The following STARD13 variants were observed in gnomAD, a reference collection of about 807,000 sequenced individuals.
STARD13 encodes StAR related lipid transfer domain containing 13, also known as stAR-related lipid transfer protein 13.
Under a neutral mutation model 106.4 loss-of-function variants are expected in STARD13, and 62 were observed. The ratio of observed to expected loss-of-function variants is 0.58; its 90% CI spans 0.48 to 0.72. The LOEUF is 0.72. Among genes scored for constraint, STARD13 ranks in the 30% least tolerant of loss-of-function variants. The pLI, the probability that STARD13 is intolerant of heterozygous loss-of-function variation, is 0.00. For synonymous variants in STARD13, 565 were observed against 553.0 expected, an observed-to-expected ratio of 1.02 and a Z score of -0.31; for missense variants, 1,387 against 1,424.0, an observed-to-expected ratio of 0.97 and a Z score of 0.42.
chr13:33,311,864 A>G (rs1047179418), intron 1 of STARD13, among the ~76,000 whole-genome samples: 1 of 152,210 alleles, frequency 6.6e-6, no homozygotes, highest in Non-Finnish European at 1.5e-5. Context: ...CTTGGTAGGC[A>G]AGAGATGCTT....
chr13:33,345,338 C>CT (rs2078006502), downstream of STARD13, among the ~76,000 whole-genome samples: 1 of 152,106 alleles, frequency 6.6e-6, no homozygotes, highest in South Asian at 2.1e-4. Context: ...TTTTCCAGTT[C>CT]TTTTTGTTGT....
At chr13:33,121,084 C>T (rs1876215313) in intron 7 of STARD13, among the ~76,000 whole-genome samples, 1 of 152,112 alleles carries the variant, frequency 6.6e-6, no homozygotes. Flanking sequence ...CCATGAATTT[C>T]CTGTCATTTA....
chr13:33,143,223 C>T (rs762452986), intron 3 of STARD13, among the ~76,000 whole-genome samples: 33 of 152,210 alleles, frequency 2.2e-4, no homozygotes, highest in Non-Finnish European at 3.2e-4. Context: ...TTTTGATTTT[C>T]ACCCTCAGCT....
the STARD13 span, among the ~76,000 whole-genome samples, chr13:33,639,060 T>A: frequency 6.6e-6 from 1 of 152,024 alleles, no homozygotes; most frequent in Non-Finnish European, 1.5e-5. Flanking sequence ...AAAGTGAAAA[T>A]TTTCTGCTCT....
At chr13:33,108,799 C>A (rs1004317651) in intron 12 of STARD13, among the ~76,000 whole-genome samples, 1 of 152,242 alleles carries the variant, frequency 6.6e-6, no homozygotes, top group Non-Finnish European at 1.5e-5. Flanking sequence ...AGCCATCCTG[C>A]AACAGCTATT....
chr13:33,542,781 C>T, the STARD13 span, among the ~76,000 whole-genome samples: 4 of 152,222 alleles, frequency 2.6e-5, no homozygotes, highest in African/African-American at 9.6e-5. Flanking sequence ...GGTGACGCCT[C>T]TTCCCGTCTC....
chr13:33,380,062 A>C, the STARD13 span, among the ~76,000 whole-genome samples: 788 of 152,246 alleles, frequency 5.2e-3, 10 homozygotes, highest in African/African-American at 0.018. Flanking sequence ...TATCAGACAG[A>C]TGTTTTATAG....
At chr13:33,291,018 A>C (rs191268006) in intron 1 of STARD13, among the ~76,000 whole-genome samples, 9 of 152,312 alleles carry the variant, frequency 5.9e-5, no homozygotes, top group Non-Finnish European at 1.2e-4. Flanking sequence ...GTTCATATGG[A>C]ATCTGTTTGT....
intron 1 of STARD13, among the ~76,000 whole-genome samples, chr13:33,338,222 A>G (rs2077918593): frequency 6.6e-6 from 1 of 152,240 alleles, no homozygotes; most frequent in African/African-American, 2.4e-5. Flanking sequence ...AGACCAACCC[A>G]TGAAATCCAG....
At chr13:33,245,821 T>G (rs114031799) in intron 1 of STARD13, among the ~76,000 whole-genome samples, 282 of 152,362 alleles carry the variant, frequency 1.9e-3, no homozygotes, top group African/African-American at 6.6e-3. Flanking sequence ...CATTTTTGTT[T>G]CTAAAATAGA....
At chr13:33,333,001 T>C (rs1275353765) in intron 1 of STARD13, among the ~76,000 whole-genome samples, 1 of 152,124 alleles carries the variant, frequency 6.6e-6, no homozygotes, top group Non-Finnish European at 1.5e-5. Context: ...ATTTTTTTCT[T>C]AAACTCTATA....
chr13:33,457,786 T>A, the STARD13 span, among the ~76,000 whole-genome samples: 1 of 152,216 alleles, frequency 6.6e-6, no homozygotes, highest in Non-Finnish European at 1.5e-5. Flanking sequence ...CATAAGGGTT[T>A]CATTCTCATG....
intron 7 of STARD13, among the ~76,000 whole-genome samples, chr13:33,121,482 C>A (rs1178147030): frequency 2.0e-5 from 3 of 151,298 alleles, no homozygotes; most frequent in Non-Finnish European, 4.4e-5. Flanking sequence ...GTGGGAGAAT[C>A]TCTTGAACCT....
At chr13:33,274,854 A>G (rs1891340726) in intron 1 of STARD13, among the ~76,000 whole-genome samples, 1 of 152,072 alleles carries the variant, frequency 6.6e-6, no homozygotes, top group Non-Finnish European at 1.5e-5. Flanking sequence ...CCAGTTAATG[A>G]TGTTTGCCTC....
intron 1 of STARD13, among the ~76,000 whole-genome samples, chr13:33,304,445 C>A (rs927314877): frequency 6.6e-6 from 1 of 152,064 alleles, no homozygotes; most frequent in African/African-American, 2.4e-5. Context: ...CCCTTCACTT[C>A]TAAATCTTGA....
At chr13:33,192,919 T>C (rs1233341092) in intron 1 of STARD13, among the ~76,000 whole-genome samples, 2 of 152,046 alleles carry the variant, frequency 1.3e-5, no homozygotes, top group Non-Finnish European at 2.9e-5. Context: ...GGTATTACCA[T>C]TCCCATCTTA....
the STARD13 span, among the ~76,000 whole-genome samples, chr13:33,463,890 T>C: frequency 2.0e-5 from 3 of 151,848 alleles, no homozygotes; most frequent in African/African-American, 7.3e-5. Context: ...CGGGTACATG[T>C]AATCCCAGCT....
the STARD13 span, among the ~76,000 whole-genome samples, chr13:33,672,336 A>T: frequency 1.7e-3 from 254 of 152,244 alleles, 2 homozygotes; most frequent in Non-Finnish European, 2.2e-3. Context: ...GGACACAGGG[A>T]AGGGAACATC....
the STARD13 span, among the ~76,000 whole-genome samples, chr13:33,621,338 ATT>A: frequency 4.6e-5 from 7 of 152,190 alleles, no homozygotes; most frequent in East Asian, 9.7e-4. Context: ...AATAGATAAA[ATT>A]AACAAACTCT....
Sources: gnomAD v4.1 joint callset for allele counts (sites outside exome capture counted in the v4.1 genomes callset) on GRCh38, gnomAD v4.1.1 for gene constraint, MANE v1.5 for transcripts, NCBI Gene and HGNC (gene_info 2026-07-23, HGNC 2026-07-21) for gene names.